Variants in TDRKH observed in about 807,000 individuals in gnomAD.
TDRKH encodes tudor and KH domain-containing protein.
Under a neutral mutation model 61.3 loss-of-function variants are expected in TDRKH, and 28 were observed. That is an observed-to-expected ratio of 0.46 (90% CI 0.34 to 0.63). The LOEUF (loss-of-function observed/expected upper bound fraction) is 0.63. Among genes scored for constraint, TDRKH ranks in the 20% least tolerant of loss-of-function variants. The pLI is 0.01. For synonymous variants in TDRKH, 219 were observed against 244.4 expected (o/e 0.90, Z 0.97); for missense variants, 540 against 683.4 (o/e 0.79, Z 2.34).
At position 151,775,543 on chromosome 1, in the gene TDRKH, C is replaced by A; in HGVS notation, c.1283G>T (p.Gly428Val). ...ECSLARIAPS[G>V]DQWEEEALDE... ...CAAAGCTTCCTCTTCCCACTGGTCACCTGGCAAAAGATTGTAGGGGTTACT... is the reference window on the plus strand; with the variant it reads ...CAAAGCTTCCTCTTCCCACTGGTCAACTGGCAAAAGATTGTAGGGGTTACT... Residue 428 changes from glycine (G) to valine (V), a missense_variant and splice_region_variant, in exon 10 of 13, where the codon GGT (glycine) becomes GTT (valine). Physicochemically the swap from Gly to Val is moderately radical, Grantham distance 109. This residue lies in a region of TDRKH where 379 missense variants were observed against 443.8 expected (regional missense o/e 0.85). Transcript: ENST00000368824. 1 of 1,612,238 alleles carries A rather than the reference C, an allele frequency of 6.2e-7. No homozygotes were observed. The highest frequency in any genetic ancestry group is 8.5e-7 in the Non-Finnish European group (1 of 1,179,266).
At chr1:151,780,914 G>A (rs995937452) in intron 3 of TDRKH, among the ~76,000 whole-genome samples, 5 of 151,336 alleles carry the variant, frequency 3.3e-5, no homozygotes, top group African/African-American at 9.7e-5. Flanking sequence ...TCAAAAACCC[G>A]TATTTCAAGC....
downstream of TDRKH, chr1:151,768,143 A>C (rs757521204): frequency 6.2e-7 from 1 of 1,613,960 alleles, no homozygotes; most frequent in East Asian, 2.2e-5. Flanking sequence ...CTTACCTCCC[A>C]GACCTCTGCC....
chr1:151,778,978 T>A lies in TDRKH; in HGVS notation c.590A>T (p.Asp197Val). The A allele has an allele frequency of 6.2e-7, 1 of 1,614,078 alleles. No individual in the cohort carries two copies. The highest frequency in any genetic ancestry group is 1.1e-5 in the South Asian group (1 of 91,078). Residue 197 changes from aspartate to valine, a missense_variant, in exon 6 of 13, where the codon GAT (aspartate) becomes GTT (valine). Asp to Val is a radical substitution (Grantham distance 152). Transcript: ENST00000368824. ...AGCAATTCTCTTCCGAAGTTCTTCATCTTCTGAAACTTTCTCCAGTATCAA... is the reference window on the plus strand; with the variant it reads ...AGCAATTCTCTTCCGAAGTTCTTCAACTTCTGAAACTTTCTCCAGTATCAA... ...KHLILEKVSE[D>V]EELRKRIAHS... is the part of the protein sequence containing the mutation.
At chr1:151,781,348 A>G in intron 3 of TDRKH, 133 bp downstream of exon 3, 1 of 182,018 alleles carries the variant, frequency 5.5e-6, no homozygotes, top group Non-Finnish European at 1.2e-5. Context: ...TATATATTTT[A>G]TATATACACA....
chr1:151,769,654 C>T (rs1267875271), downstream of TDRKH, among the ~76,000 whole-genome samples: 1 of 151,988 alleles, frequency 6.6e-6, no homozygotes, highest in Non-Finnish European at 1.5e-5. Context: ...AGAGACGCTC[C>T]TCACTTCCCA....
Position 151,775,030 on chromosome 1 carries a change from T to C in TDRKH, c.1536+35A>G, listed in dbSNP as rs566413438. The C allele has an allele frequency of 2.6e-5, 41 of 1,606,138 alleles. 1 individual carries two copies. In the South Asian group the frequency reaches 3.9e-4, roughly 15 times the overall value. On this transcript the variant is annotated intron_variant, in intron 11 of 12. Coordinates refer to ENST00000368824, the MANE Select transcript of TDRKH (RefSeq NM_001083965.2). ...TTAGTGTCTATGTGCTAGATTTGCCTGGAAGCAGCACCCTATATAACTACA... is the reference window on the plus strand; with the variant it reads ...TTAGTGTCTATGTGCTAGATTTGCCCGGAAGCAGCACCCTATATAACTACA...
downstream of TDRKH, chr1:151,767,458 CCACAG>C (rs1648405732): frequency 2.9e-6 from 4 of 1,374,748 alleles, no homozygotes; most frequent in Middle Eastern, 2.4e-4. Context: ...GCATTCTGGC[CCACAG>C]ACTGTAAAAT....
At chr1:151,787,999 A>T (rs936483079) in intron 1 of TDRKH, among the ~76,000 whole-genome samples, 1 of 152,006 alleles carries the variant, frequency 6.6e-6, no homozygotes, top group Non-Finnish European at 1.5e-5. Flanking sequence ...GGGTTTAAAA[A>T]AAAAAAGTAT....
chr1:151,771,428 AC>A, downstream of TDRKH: 1 of 1,214,276 alleles, frequency 8.2e-7, no homozygotes, highest in Non-Finnish European at 1.1e-6. Flanking sequence ...GATCACAGGG[AC>A]CTGAACTACG....
intron 1 of TDRKH, among the ~76,000 whole-genome samples, chr1:151,787,621 G>A (rs61815099): frequency 0.41 from 61,694 of 151,712 alleles, 13,440 homozygotes; most frequent in Non-Finnish European, 0.5. Flanking sequence ...GCACGTTGGG[G>A]ACAGAAGGAG....
chr1:151,780,439 G>T (rs1649641837), intron 3 of TDRKH, among the ~76,000 whole-genome samples: 1 of 152,158 alleles, frequency 6.6e-6, no homozygotes, highest in African/African-American at 2.4e-5. Context: ...TTGGATTAGA[G>T]AATCAAATAT....
downstream of TDRKH, among the ~76,000 whole-genome samples, chr1:151,768,881 C>T (rs889354002): frequency 6.6e-6 from 1 of 152,196 alleles, no homozygotes; most frequent in African/African-American, 2.4e-5. Flanking sequence ...AACGAGCATG[C>T]TGCCTTCAAG....
chr1:151,767,876 A>T, downstream of TDRKH: 1 of 744,236 alleles, frequency 1.3e-6, no homozygotes, highest in South Asian at 1.9e-5. Flanking sequence ...TATAAAGGAG[A>T]ACTCCACAAT....
downstream of TDRKH, chr1:151,771,476 T>C (rs531029750): frequency 5.0e-4 from 339 of 673,192 alleles, no homozygotes; most frequent in Non-Finnish European, 7.0e-4. Context: ...TCCCTTTGCC[T>C]TCCTCCATGC....
At chr1:151,768,626 T>C (rs1396341057), downstream of TDRKH, among the ~76,000 whole-genome samples, 1 of 152,242 alleles carries the variant, frequency 6.6e-6, no homozygotes, top group Non-Finnish European at 1.5e-5. Context: ...ATATTTTTAC[T>C]GCTCCAAGTA....
intron 1 of TDRKH, among the ~76,000 whole-genome samples, chr1:151,787,343 T>C (rs750692784): frequency 2.0e-4 from 30 of 152,146 alleles, no homozygotes; most frequent in Non-Finnish European, 3.8e-4. Flanking sequence ...CTCAGCCTAA[T>C]GAGTAGCTGG....
chr1:151,779,166 C>T lies in TDRKH; in HGVS notation c.498G>A (p.Gly166=), dbSNP rs746355089. ...AKITCDKESE[G]TLLLSRLIKI... is the part of the protein sequence containing the mutation. ...TTATAAGTCTTGATAGTAGTAATGT[C>T]CCTTCTGATTCTTTGTCACAGGTAA... The change falls in exon 5 of 13, where the codon GGG becomes GGA. Residue 166 remains glycine (G), a synonymous_variant. Coordinates refer to ENST00000368824, the MANE Select transcript of TDRKH (RefSeq NM_001083965.2). 1 of 1,614,152 alleles carries T rather than the reference C, an allele frequency of 6.2e-7. No homozygotes were observed. Among genetic ancestry groups the T allele is most frequent in the African/African-American group, 1.3e-5 (1 of 75,028 alleles).
chr1:151,766,778 A>G, downstream of TDRKH: 1 of 1,573,698 alleles, frequency 6.4e-7, no homozygotes, highest in Non-Finnish European at 8.6e-7. Flanking sequence ...TCAAGAGGGG[A>G]AAAACACGTA....
At chr1:151,767,042 C>G (rs552711592), downstream of TDRKH, 1 of 1,458,930 alleles carries the variant, frequency 6.9e-7, no homozygotes, top group Non-Finnish European at 9.4e-7. Flanking sequence ...CTGGTTGGGC[C>G]CAGGAACATA....
Sources: gnomAD v4.1 joint callset for allele counts (sites outside exome capture counted in the v4.1 genomes callset) on GRCh38, gnomAD v4.1.1 for gene constraint, gnomAD v4.1.1 regional missense constraint, MANE v1.5 for transcripts, NCBI Gene and HGNC (gene_info 2026-07-23, HGNC 2026-07-21) for gene names.